BTG4: variants seen among roughly 807,000 people sequenced by gnomAD.
The protein encoded by BTG4 is BTG anti-proliferation factor 4, also known as protein BTG4.
A neutral mutation model predicts 19.3 loss-of-function variants in BTG4; 10 were observed. The observed-to-expected ratio is 0.52, with a 90% CI of 0.32 to 0.88. The LOEUF is 0.88. Ranked by LOEUF, BTG4 falls within the 40% of genes least tolerant of loss-of-function variation. The pLI, the probability that BTG4 is intolerant of heterozygous loss-of-function variation, is 0.04. For missense variants in BTG4, 238 were observed against 281.9 expected, an observed-to-expected ratio of 0.84 and a Z score of 1.11; for synonymous variants, 91 against 95.7, an observed-to-expected ratio of 0.95 and a Z score of 0.29.
At chr11:111,477,465 G>T (rs563415535) in intron 5 of BTG4, among the ~76,000 whole-genome samples, 82 of 152,178 alleles carry the variant, frequency 5.4e-4, no homozygotes, top group African/African-American at 1.9e-3. Flanking sequence ...ATTGTCTTAA[G>T]ATTTATTATT....
rs1865652038 is a variant in BTG4 at position 111,495,268 on chromosome 11, CG to C, written c.556del (p.Arg186AlafsTer64). On this transcript the variant is annotated frameshift_variant, in exon 5 of 5. Transcript: ENST00000692032. LOFTEE classifies it low-confidence loss of function (END_TRUNC). ...QPFQSWLQIP[R>X]KKNVVDGRVG... ...ACGGCCGTCCACCACATTCTTTTTG[CG>C]GGGGATTTGTAACCAAGATTGAAAG... The C allele has an allele frequency of 6.2e-7, 1 of 1,609,850 alleles. No homozygotes were observed. The highest frequency in any genetic ancestry group is 1.7e-5 in the Admixed American group (1 of 58,696).
chr11:111,509,711 A>G (rs886857815), intron 1 of BTG4, among the ~76,000 whole-genome samples: 1 of 151,382 alleles, frequency 6.6e-6, no homozygotes, highest in African/African-American at 2.4e-5. Context: ...AAAAACAAAA[A>G]CAAAAACAAA....
the BTG4 span, among the ~76,000 whole-genome samples, chr11:111,428,729 G>A: frequency 1.3e-5 from 2 of 152,134 alleles, no homozygotes. Flanking sequence ...GGAAGTGGGG[G>A]TGCAGGCATT....
At chr11:111,486,550 C>A (rs996535800) in intron 5 of BTG4, among the ~76,000 whole-genome samples, 1 of 152,116 alleles carries the variant, frequency 6.6e-6, no homozygotes, top group African/African-American at 2.4e-5. Flanking sequence ...GCCAGTATTA[C>A]TTGGATATCA....
intron 5 of BTG4, among the ~76,000 whole-genome samples, chr11:111,488,563 A>G (rs1865206578): frequency 6.6e-6 from 1 of 152,206 alleles, no homozygotes; most frequent in Non-Finnish European, 1.5e-5. Context: ...GGAAGACCTC[A>G]AAATCAGGCA....
chr11:111,420,906 T>A, the BTG4 span, among the ~76,000 whole-genome samples: 1 of 152,122 alleles, frequency 6.6e-6, no homozygotes, highest in Non-Finnish European at 1.5e-5. Context: ...ACCAAGGACT[T>A]TGAGAGTACA....
the BTG4 span, chr11:111,455,782 C>T: frequency 5.1e-5 from 23 of 454,716 alleles, no homozygotes; most frequent in Non-Finnish European, 1.0e-4. Context: ...GGACACGGTG[C>T]TGGGCCACCT....
chr11:111,487,906 T>C (rs999594810), intron 5 of BTG4, among the ~76,000 whole-genome samples: 9 of 152,012 alleles, frequency 5.9e-5, no homozygotes, highest in African/African-American at 2.2e-4. Flanking sequence ...ACCAAAAAAG[T>C]GAATGATGTC....
At chr11:111,496,461 TG>T (rs1174157510) in intron 4 of BTG4, 2 of 152,108 alleles carry the variant, frequency 1.3e-5, no homozygotes, top group African/African-American at 2.4e-5. Context: ...ATTACAACCA[TG>T]TGGAAACAGC....
intron 1 of BTG4, among the ~76,000 whole-genome samples, chr11:111,505,929 A>G (rs1046619275): frequency 3.3e-5 from 5 of 152,238 alleles, no homozygotes; most frequent in Admixed American, 2.0e-4. Context: ...TTGAGATACC[A>G]TCTCACTCCA....
At chr11:111,443,778 G>A in the BTG4 span, among the ~76,000 whole-genome samples, 1 of 152,182 alleles carries the variant, frequency 6.6e-6, no homozygotes, top group Non-Finnish European at 1.5e-5. Flanking sequence ...ACAGGACGAG[G>A]ACCTGGGTGC....
At chr11:111,478,551 A>T (rs1864535032) in intron 5 of BTG4, among the ~76,000 whole-genome samples, 1 of 152,168 alleles carries the variant, frequency 6.6e-6, no homozygotes, top group African/African-American at 2.4e-5. Context: ...AGATGTTAGA[A>T]TTATGACAAA....
chr11:111,461,035 C>T, the BTG4 span, among the ~76,000 whole-genome samples: 1 of 152,082 alleles, frequency 6.6e-6, no homozygotes, highest in Non-Finnish European at 1.5e-5. Context: ...CTAGAAAGCT[C>T]TCCCTGGCAG....
chr11:111,503,229 A>G (rs1834005165), intron 1 of BTG4, among the ~76,000 whole-genome samples: 1 of 152,240 alleles, frequency 6.6e-6, no homozygotes, highest in Non-Finnish European at 1.5e-5. Context: ...GATTAATGTT[A>G]TCATTGAAAG....
intron 5 of BTG4, chr11:111,473,529 A>C (rs1238303249): frequency 6.6e-6 from 1 of 152,228 alleles, no homozygotes; most frequent in Non-Finnish European, 1.5e-5. Context: ...ATGTCCACAG[A>C]ATAAAAGGTT....
At chr11:111,455,337 G>T in the BTG4 span, 1 of 296,930 alleles carries the variant, frequency 3.4e-6, no homozygotes, top group East Asian at 8.0e-5. Context: ...GCTGTCCCTG[G>T]TGGCTGTAGC....
the BTG4 span, among the ~76,000 whole-genome samples, chr11:111,389,421 T>C: frequency 6.6e-6 from 1 of 152,134 alleles, no homozygotes; most frequent in Non-Finnish European, 1.5e-5. Flanking sequence ...CAATTAAGGA[T>C]TAACTCTACC....
the BTG4 span, among the ~76,000 whole-genome samples, chr11:111,419,920 T>G: frequency 6.6e-6 from 1 of 152,240 alleles, no homozygotes; most frequent in South Asian, 2.1e-4. Flanking sequence ...AGCTTCTAGA[T>G]GAACCAACCC....
the BTG4 span, among the ~76,000 whole-genome samples, chr11:111,428,331 A>G: frequency 2.0e-5 from 3 of 151,996 alleles, no homozygotes; most frequent in African/African-American, 7.3e-5. Flanking sequence ...GTCACAAAGA[A>G]AAGTCCCCCA....
Sources: gnomAD v4.1 joint callset for allele counts (sites outside exome capture counted in the v4.1 genomes callset) on GRCh38, gnomAD v4.1.1 for gene constraint, MANE v1.5 for transcripts, NCBI Gene and HGNC (gene_info 2026-07-23, HGNC 2026-07-21) for gene names.